Variants in SND1 observed in about 807,000 individuals in gnomAD.
SND1 encodes the protein staphylococcal nuclease domain-containing protein 1.
Under a neutral mutation model 121.7 loss-of-function variants are expected in SND1, and 38 were observed. The observed-to-expected ratio is 0.31, with a 90% CI of 0.24 to 0.41. The LOEUF (loss-of-function observed/expected upper bound fraction) is 0.41. SND1 is among the 10% of genes least tolerant of loss of function. SND1 has a pLI of 1.00. For missense variants in SND1, 868 were observed against 1,184.6 expected, an observed-to-expected ratio of 0.73 and a Z score of 3.92; for synonymous variants, 401 against 447.4, an observed-to-expected ratio of 0.90 and a Z score of 1.31.
At chr7:127,785,272 A>G (rs1363759141) in intron 10 of SND1, among the ~76,000 whole-genome samples, 4 of 152,214 alleles carry the variant, frequency 2.6e-5, no homozygotes, top group Admixed American at 2.6e-4. Context: ...ATTAATTGGA[A>G]GATGAACAGC....
At chr7:127,954,470 G>GATCATCTTTC (rs1332547642) in intron 15 of SND1, among the ~76,000 whole-genome samples, 1 of 152,058 alleles carries the variant, frequency 6.6e-6, no homozygotes, top group Non-Finnish European at 1.5e-5. Context: ...GGTTGAAAGA[G>GATCATCTTTC]ACTCTGGGGA....
chr7:127,737,411 CTGAAAAT>C (rs1796796559), intron 10 of SND1, among the ~76,000 whole-genome samples: 1 of 152,238 alleles, frequency 6.6e-6, no homozygotes, highest in Non-Finnish European at 1.5e-5. Context: ...GCCATCTCTA[CTGAAAAT>C]ACGAAAATTA....
chr7:127,932,711 C>G (rs1416362901), intron 15 of SND1, among the ~76,000 whole-genome samples: 1 of 152,196 alleles, frequency 6.6e-6, no homozygotes, highest in Non-Finnish European at 1.5e-5. Flanking sequence ...CAACCACCAC[C>G]CTGATCAGTC....
chr7:127,711,211 C>T (rs144043483), intron 9 of SND1, among the ~76,000 whole-genome samples: 2 of 152,286 alleles, frequency 1.3e-5, no homozygotes, highest in Non-Finnish European at 1.5e-5. Flanking sequence ...TGGATTGGAG[C>T]TAGGATTGCT....
At chr7:127,980,136 G>A (rs1802225561) in intron 15 of SND1, among the ~76,000 whole-genome samples, 1 of 51,928 alleles carries the variant, frequency 1.9e-5, no homozygotes, top group Non-Finnish European at 3.2e-5. Flanking sequence ...TTTTTGAGAC[G>A]GAGTCTCGCT....
chr7:127,950,474 G>A (rs1801437609), intron 15 of SND1, among the ~76,000 whole-genome samples: 1 of 152,222 alleles, frequency 6.6e-6, no homozygotes. Flanking sequence ...AAAGCCCTAA[G>A]TGGCCATTTC....
intron 15 of SND1, among the ~76,000 whole-genome samples, chr7:127,954,541 T>C (rs1801550170): frequency 6.6e-6 from 1 of 152,174 alleles, no homozygotes; most frequent in African/African-American, 2.4e-5. Flanking sequence ...CCTCTCTCTC[T>C]TTCCCTGGAA....
At chr7:127,694,310 G>C (rs1444954337) in intron 2 of SND1, among the ~76,000 whole-genome samples, 1 of 152,214 alleles carries the variant, frequency 6.6e-6, no homozygotes, top group Non-Finnish European at 1.5e-5. Context: ...CTGGTTTCAG[G>C]CTAGTTTAAT....
At chr7:127,867,825 C>G (rs1403984556) in intron 12 of SND1, among the ~76,000 whole-genome samples, 1 of 151,898 alleles carries the variant, frequency 6.6e-6, no homozygotes, top group Non-Finnish European at 1.5e-5. Context: ...GTGGAGTATA[C>G]TGAGCCATGA....
chr7:127,877,487 G>T (rs1220367818), intron 12 of SND1, among the ~76,000 whole-genome samples: 1 of 152,058 alleles, frequency 6.6e-6, no homozygotes, highest in East Asian at 1.9e-4. Context: ...GGGTAGGAAG[G>T]GAATAAGTAG....
chr7:127,848,258 TA>T (rs776097642), intron 12 of SND1, among the ~76,000 whole-genome samples: 37 of 152,234 alleles, frequency 2.4e-4, no homozygotes, highest in Non-Finnish European at 4.9e-4. Context: ...AATGTTTTAG[TA>T]AATACACACT....
At position 127,888,819 on chromosome 7, in the gene SND1, A is replaced by G. The variant is rs113995839; in HGVS notation, c.1454+807A>G. On this transcript the variant is annotated intron_variant, in intron 13 of 23. Coordinates refer to ENST00000354725, the MANE Select transcript of SND1 (RefSeq NM_014390.4). ...CTGCCTCACTCAGCAGTTTTTCCATAGCCTCTAGGACCCATTTAGTTCTAG... is the reference window on the plus strand; with the variant it reads ...CTGCCTCACTCAGCAGTTTTTCCATGGCCTCTAGGACCCATTTAGTTCTAG... 5.9e-3 allele frequency among the ~76,000 whole-genome samples: 895 copies of G among 152,218 alleles called. 16 individuals carry two copies. The highest frequency in any genetic ancestry group is 0.021 in the African/African-American group (853 of 41,554).
intron 16 of SND1, among the ~76,000 whole-genome samples, chr7:128,020,861 A>G (rs550393161): frequency 5.3e-5 from 8 of 152,258 alleles, no homozygotes; most frequent in African/African-American, 1.9e-4. Context: ...TTTCTGACAC[A>G]CATGCACACA....
At chr7:127,902,257 A>G (rs1460926885) in intron 13 of SND1, among the ~76,000 whole-genome samples, 2 of 152,350 alleles carry the variant, frequency 1.3e-5, no homozygotes, top group East Asian at 3.9e-4. Context: ...GTCTGTTTAC[A>G]GAACAGATCT....
At chr7:127,964,282 G>T (rs1351178630) in intron 15 of SND1, among the ~76,000 whole-genome samples, 23 of 150,162 alleles carry the variant, frequency 1.5e-4, no homozygotes, top group Middle Eastern at 6.8e-3. Flanking sequence ...GTCAATTTTG[G>T]CTTTTGTTGC....
At chr7:127,845,428 A>T (rs576475896) in intron 12 of SND1, among the ~76,000 whole-genome samples, 13 of 152,392 alleles carry the variant, frequency 8.5e-5, no homozygotes, top group African/African-American at 2.4e-4. Flanking sequence ...GGAGGCGCTC[A>T]GTATAGGCAT....
At chr7:127,972,055 G>T (rs564458549) in intron 15 of SND1, among the ~76,000 whole-genome samples, 1 of 151,974 alleles carries the variant, frequency 6.6e-6, no homozygotes, top group Non-Finnish European at 1.5e-5. Context: ...GATTATAGGC[G>T]TGAGCCACCA....
In SND1 at chr7:128,085,554, C is replaced by T. The variant is rs1420323064; in HGVS notation, c.2235-157C>T. On this transcript the variant is annotated intron_variant, in intron 19 of 23. Transcript: ENST00000354725. The surrounding 1 kb of genome is among the most constrained non-coding windows in gnomAD (Gnocchi z 4.4). Reference sequence around the variant, plus strand: ...TCCATTAGGTGGTGACCACAGTGGCCGAGGCTGGGCCTAGATGGAGTGCAG... The same window carrying T: ...TCCATTAGGTGGTGACCACAGTGGCTGAGGCTGGGCCTAGATGGAGTGCAG... Among the ~76,000 whole-genome samples the T allele has an allele frequency of 2.0e-5, 3 of 151,984 alleles. No homozygotes were observed. Among genetic ancestry groups the T allele is most frequent in the Admixed American group, 1.3e-4 (2 of 15,258 alleles).
At chr7:127,665,566 A>G (rs917183833) in intron 1 of SND1, among the ~76,000 whole-genome samples, 1 of 152,324 alleles carries the variant, frequency 6.6e-6, no homozygotes, top group African/African-American at 2.4e-5. Flanking sequence ...TGGAAAGTCA[A>G]TATTAAAGAA....
Sources: gnomAD v4.1 joint callset for allele counts (sites outside exome capture counted in the v4.1 genomes callset) on GRCh38, gnomAD v4.1.1 for gene constraint, Gnocchi (gnomAD v3.1) non-coding constraint, MANE v1.5 for transcripts, NCBI Gene and HGNC (gene_info 2026-07-23, HGNC 2026-07-21) for gene names.